Variants in LAMA3 observed in about 807,000 individuals in gnomAD.
LAMA3 encodes laminin subunit alpha 3.
LAMA3 carries 281 observed loss-of-function variants against 402.0 expected under a neutral mutation model. That is an observed-to-expected ratio of 0.70 (90% confidence interval 0.63 to 0.77). The LOEUF (loss-of-function observed/expected upper bound fraction) is 0.77, where lower values mean the gene tolerates loss of function less well. LAMA3 is among the 30% of genes least tolerant of loss of function. The pLI, the probability that LAMA3 is intolerant of heterozygous loss-of-function variation, is 0.00. For synonymous variants in LAMA3, 1,431 were observed against 1,558.4 expected, an observed-to-expected ratio of 0.92 and a Z score of 1.93; for missense variants, 3,840 against 4,215.5, an observed-to-expected ratio of 0.91 and a Z score of 2.47.
intron 41 of LAMA3, 135 bp from the exon 42 acceptor site, chr18:23,889,876 A>G: frequency 1.3e-6 from 1 of 769,228 alleles, no homozygotes; most frequent in Non-Finnish European, 2.4e-6. Flanking sequence ...AGAAATATTC[A>G]TTCTTGCAGA....
intron 32 of LAMA3, among the ~76,000 whole-genome samples, chr18:23,848,942 A>G (rs957791962): frequency 5.9e-5 from 9 of 152,048 alleles, no homozygotes; most frequent in African/African-American, 2.2e-4. Flanking sequence ...CCGCCATTAC[A>G]TGCTGTTCTC....
chr18:23,876,424 T>G lies in LAMA3; in HGVS notation c.5112+17T>G. 2 of 1,473,472 alleles carry G rather than the reference T, an allele frequency of 1.4e-6. No individual in the cohort carries two copies. Among genetic ancestry groups the G allele is most frequent in the Non-Finnish European group, 1.9e-6 (2 of 1,051,750 alleles). The allele number at this position is 1,473,472 out of a possible 1,614,324, so 91.3% of individuals were successfully genotyped here. A position where few individuals can be genotyped will look rare whatever the true frequency, so the allele number is the denominator to read the frequency against. On this transcript the variant is annotated intron_variant, in intron 39 of 74. Coordinates refer to ENST00000313654, the MANE Select transcript of LAMA3 (RefSeq NM_198129.4). ...ATATGTGTTGTGAGTAAATTGACAC[T>G]TTAATGCTATCAGCAGACAATCTGT...
At chr18:23,694,156 C>T (rs1385219248) in intron 1 of LAMA3, among the ~76,000 whole-genome samples, 1 of 152,176 alleles carries the variant, frequency 6.6e-6, no homozygotes, top group Non-Finnish European at 1.5e-5. Flanking sequence ...TGTATTCCCT[C>T]AGTGGTTTTC....
chr18:23,950,252 G>A, intron 72 of LAMA3, 93 bp downstream of exon 72: 1 of 1,423,536 alleles, frequency 7.0e-7, no homozygotes, highest in Non-Finnish European at 9.9e-7. Flanking sequence ...TAGAGAATGG[G>A]ATCCAATCTT....
chr18:23,737,554 A>C (rs2061495968), intron 2 of LAMA3, among the ~76,000 whole-genome samples: 1 of 152,238 alleles, frequency 6.6e-6, no homozygotes, highest in African/African-American at 2.4e-5. Context: ...AAGTTCTGAC[A>C]TCCTGATCCA....
intron 41 of LAMA3, among the ~76,000 whole-genome samples, chr18:23,887,839 CT>C (rs1339531092): frequency 1.3e-5 from 2 of 152,212 alleles, no homozygotes; most frequent in Non-Finnish European, 2.9e-5. Context: ...ATTTTCTGCT[CT>C]TTATTTGTTG....
At chr18:23,778,797 G>A (rs1008634355) in intron 11 of LAMA3, among the ~76,000 whole-genome samples, 2 of 152,210 alleles carry the variant, frequency 1.3e-5, no homozygotes, top group African/African-American at 2.4e-5. Flanking sequence ...GCAGCGCCAC[G>A]GTGTGGGCCA....
chr18:23,814,447 C>T lies in LAMA3; in HGVS notation c.1833C>T (p.Ser611=). 6.2e-7 allele frequency: 1 copy of T among 1,613,964 alleles called. No individual in the cohort carries two copies. Among genetic ancestry groups the T allele is most frequent in the Non-Finnish European group, 8.5e-7 (1 of 1,179,850 alleles). Residue 611 remains serine, a synonymous_variant, in exon 15 of 75, where the codon AGC becomes AGT. Transcript: ENST00000313654. ...TTCATGTTGAAGGTCCTACTTGTAG[C>T]CGCTGCAAACTGTTATATTGGAATC... The part of the protein sequence containing the change: ...CKLHVEGPTC[S]RCKLLYWNLD...
Position 23,953,110 on chromosome 18 carries a change from G to T in LAMA3, c.9856+1G>T. The T allele has an allele frequency of 6.2e-7, 1 of 1,613,908 alleles. No homozygotes were observed. The highest frequency in any genetic ancestry group is 8.5e-7 in the Non-Finnish European group (1 of 1,179,858). ...CCACTACACCTTGGAGGTGCTCCAG[G>T]TAACTCTTGTCCTGACTTCTATAAT... On this transcript the variant is annotated splice_donor_variant, in intron 74 of 74. Coordinates refer to ENST00000313654, the MANE Select transcript of LAMA3 (RefSeq NM_198129.4). LOFTEE classifies it high-confidence loss of function.
chr18:23,914,954 ATGGATTTAACCGCACATTC>A, intron 58 of LAMA3, 94 bp downstream of exon 58: 1 of 1,091,018 alleles, frequency 9.2e-7, no homozygotes, highest in Non-Finnish European at 1.4e-6. Context: ...TACATATAAA[ATGGATTTAACCGCACATTC>A]TTACAGCACA....
intron 12 of LAMA3, 21 bp from the exon 13 acceptor site, chr18:23,810,344 CT>C (rs746271104): frequency 1.7e-5 from 27 of 1,613,970 alleles, no homozygotes; most frequent in Admixed American, 3.3e-5. Context: ...CCGCCTAAGT[CT>C]GATTGAATTC....
chr18:23,843,244 G>A (rs1468400375), intron 29 of LAMA3, among the ~76,000 whole-genome samples: 1 of 152,110 alleles, frequency 6.6e-6, no homozygotes, highest in African/African-American at 2.4e-5. Context: ...ACATCTGTGA[G>A]GTCATCTCTG....
intron 41 of LAMA3, among the ~76,000 whole-genome samples, chr18:23,888,451 G>T (rs1334269296): frequency 6.6e-6 from 1 of 152,132 alleles, no homozygotes; most frequent in Admixed American, 6.5e-5. Context: ...ACAAATGAAT[G>T]AATATGTGCC....
intron 35 of LAMA3, among the ~76,000 whole-genome samples, chr18:23,863,192 C>T (rs1056453031): frequency 1.3e-5 from 2 of 152,224 alleles, no homozygotes; most frequent in Admixed American, 1.3e-4. Flanking sequence ...GCCTGTAATC[C>T]CAGCACTTTG....
intron 12 of LAMA3, among the ~76,000 whole-genome samples, chr18:23,798,592 G>A (rs533394213): frequency 1.3e-5 from 2 of 152,288 alleles, no homozygotes; most frequent in East Asian, 3.9e-4. Flanking sequence ...GGCTGGCAGT[G>A]GGAAGCAGCC....
chr18:23,725,186 T>G (rs2061277496), intron 2 of LAMA3, among the ~76,000 whole-genome samples: 3 of 152,004 alleles, frequency 2.0e-5, no homozygotes, highest in Non-Finnish European at 4.4e-5. Context: ...CTCGGTTCAC[T>G]GCAGCCTCCG....
chr18:23,842,421 A>G lies in LAMA3; in HGVS notation c.3363A>G (p.Val1121=). ...ATCAAGTGACCCTGAGAGGACGTGTACCACACCTGGGCCGATACGTCTTTG... is the reference window on the plus strand; with the variant it reads ...ATCAAGTGACCCTGAGAGGACGTGTGCCACACCTGGGCCGATACGTCTTTG... The part of the protein sequence containing the change: ...PQNQVTLRGR[V]PHLGRYVFVI... The change falls in exon 28 of 75, where the codon GTA becomes GTG. Residue 1121 remains valine (V), a synonymous_variant. Coordinates refer to ENST00000313654, the MANE Select transcript of LAMA3 (RefSeq NM_198129.4). The G allele has an allele frequency of 6.2e-7, 1 of 1,613,928 alleles. No individual in the cohort carries two copies. Among genetic ancestry groups the G allele is most frequent in the Admixed American group, 1.7e-5 (1 of 60,008 alleles).
chr18:23,758,743 G>A (rs924809391), intron 7 of LAMA3, among the ~76,000 whole-genome samples: 26 of 152,308 alleles, frequency 1.7e-4, no homozygotes, highest in Middle Eastern at 3.4e-3. Flanking sequence ...TGCATGATGG[G>A]GCTCCGTGCT....
intron 12 of LAMA3, among the ~76,000 whole-genome samples, chr18:23,808,127 G>A (rs1388613865): frequency 1.3e-5 from 2 of 152,084 alleles, no homozygotes; most frequent in Non-Finnish European, 2.9e-5. Flanking sequence ...TTAGATCTTA[G>A]AGATCAGGGA....
Sources: allele counts gnomAD v4.1 joint callset (sites outside exome capture counted in the v4.1 genomes callset), GRCh38; gene constraint gnomAD v4.1.1; transcripts MANE v1.5; gene names NCBI Gene and HGNC (gene_info 2026-07-23, HGNC 2026-07-21).